GLCE: variants seen among roughly 807,000 people sequenced by gnomAD.
GLCE encodes the protein D-glucuronyl C5-epimerase.
A neutral mutation model predicts 47.9 loss-of-function variants in GLCE; 19 were observed. The ratio of observed to expected loss-of-function variants is 0.40; its 90% confidence interval spans 0.28 to 0.58. The LOEUF is 0.58. Ranked by LOEUF, GLCE falls within the 20% of genes least tolerant of loss-of-function variation. The probability of loss-of-function intolerance (pLI) is 0.48; values close to 1 mark genes in which losing one functional copy is unlikely to be tolerated. For synonymous variants in GLCE, 245 were observed against 263.4 expected, an observed-to-expected ratio of 0.93 and a Z score of 0.68; for missense variants, 556 against 743.3, an observed-to-expected ratio of 0.75 and a Z score of 2.93.
At chr15:69,161,799 T>TGGCA (rs1456807603) in intron 1 of GLCE, among the ~76,000 whole-genome samples, 2 of 152,056 alleles carry the variant, frequency 1.3e-5, no homozygotes, top group Non-Finnish European at 2.9e-5. Context: ...GGAGCTAGAG[T>TGGCA]GGCAGCACCT....
chr15:69,253,584 G>GAAATTTT (rs2052879471), intron 2 of GLCE, among the ~76,000 whole-genome samples: 1 of 152,014 alleles, frequency 6.6e-6, no homozygotes, highest in Non-Finnish European at 1.5e-5. Flanking sequence ...AAACTAATAA[G>GAAATTTT]AAAGAACTTT....
In GLCE at chr15:69,254,480, G is replaced by A. The variant is rs903716548; in HGVS notation, c.-13-1314G>A. Among the ~76,000 whole-genome samples, 5 of 152,294 alleles carry A rather than the reference G, an allele frequency of 3.3e-5. No individual in the cohort carries two copies. In the East Asian group the frequency reaches 7.7e-4, roughly 23 times the overall value. Reference sequence around the variant, plus strand: ...TTGAGGGTGGAGTAGTAGGGTAAGCGTAGAAGGAGAGAGACCAGTTTGAAT... The same window carrying A: ...TTGAGGGTGGAGTAGTAGGGTAAGCATAGAAGGAGAGAGACCAGTTTGAAT... On this transcript the variant is annotated intron_variant, in intron 2 of 4. Transcript: ENST00000261858.
Position 69,268,798 on chromosome 15 carries a change from G to C in GLCE, c.1408G>C (p.Ala470Pro). 1 of 1,614,130 alleles carries C rather than the reference G, an allele frequency of 6.2e-7. No homozygotes were observed. Among genetic ancestry groups the C allele is most frequent in the Non-Finnish European group, 8.5e-7 (1 of 1,179,980 alleles). ...AAAAGACCATATATTCCTCAATTCA[G>C]CTTTAAGGGCAACAGCCCCTTATAA... ...LTKDHIFLNS[A>P]LRATAPYKFL... is the part of the protein sequence containing the mutation. Residue 470 changes from alanine (A) to proline (P), a missense_variant, in exon 5 of 5, where the codon GCT (alanine) becomes CCT (proline). Coordinates refer to ENST00000261858, the MANE Select transcript of GLCE (RefSeq NM_015554.3).
chr15:69,231,257 CT>C lies in GLCE; in HGVS notation c.-14+20854del, dbSNP rs1334589168. 9.3e-5 allele frequency among the ~76,000 whole-genome samples: 14 copies of C among 151,032 alleles called. No homozygotes were observed. The South Asian group carries it at 2.3e-3, about 25-fold the overall frequency. ...TTTTATGAGCAGCCAGAGATTTTGCCTTTGCTACCTAGTGTTTTTTGTCCAG... is the reference window on the plus strand; with the variant it reads ...TTTTATGAGCAGCCAGAGATTTTGCCTTGCTACCTAGTGTTTTTTGTCCAG... On this transcript the variant is annotated intron_variant, in intron 2 of 4. Transcript: ENST00000261858.
At chr15:69,229,916 G>T (rs969158879) in intron 2 of GLCE, among the ~76,000 whole-genome samples, 2 of 151,726 alleles carry the variant, frequency 1.3e-5, no homozygotes, top group African/African-American at 2.4e-5. Context: ...CAGGTTAATA[G>T]TAAACAGCTG....
Position 69,256,377 on chromosome 15 carries a change from A to G in GLCE, c.571A>G (p.Ile191Val), listed in dbSNP as rs201157542. 7 of 1,609,436 alleles carry G rather than the reference A, an allele frequency of 4.3e-6. No homozygotes were observed. Among genetic ancestry groups the G allele is most frequent in the African/African-American group, 1.3e-5 (1 of 74,990 alleles). Residue 191 changes from isoleucine to valine, a missense_variant, in exon 3 of 5, where the codon ATA (isoleucine) becomes GTA (valine). Physicochemically the swap from Ile to Val is conservative, Grantham distance 29. Around this residue, in one of 3 missense-constraint regions of GLCE, gnomAD observed 237 missense variants for 310.9 expected, o/e 0.76. Coordinates refer to ENST00000261858, the MANE Select transcript of GLCE (RefSeq NM_015554.3). ...GGAAGTCCGAGACAGAGTCAAGTGC[A>G]TAAGTGGGGTTGAAGGTTGGTATCT... ...NVEVRDRVKC[I>V]SGVEGVPLST...
intron 2 of GLCE, among the ~76,000 whole-genome samples, chr15:69,248,584 A>G (rs1297754357): frequency 6.6e-6 from 1 of 152,156 alleles, no homozygotes; most frequent in Non-Finnish European, 1.5e-5. Flanking sequence ...AGAATATTTA[A>G]CAATGTTCAT....
chr15:69,209,504 GGT>G (rs2052199126), intron 1 of GLCE, among the ~76,000 whole-genome samples: 1 of 152,000 alleles, frequency 6.6e-6, no homozygotes, highest in Non-Finnish European at 1.5e-5. Flanking sequence ...CATATTACTT[GGT>G]TCTGTCCCAC....
intron 2 of GLCE, among the ~76,000 whole-genome samples, chr15:69,255,271 CA>C (rs2052905059): frequency 1.3e-5 from 2 of 152,094 alleles, no homozygotes; most frequent in African/African-American, 4.8e-5. Flanking sequence ...TTGAGCATCC[CA>C]AGTTCAGAAA....
chr15:69,232,626 G>C (rs544422743), intron 2 of GLCE, among the ~76,000 whole-genome samples: 1 of 152,088 alleles, frequency 6.6e-6, no homozygotes, highest in Non-Finnish European at 1.5e-5. Context: ...TTGTTACAGA[G>C]CTTGGAACCA....
At chr15:69,164,037 T>A (rs1191920294) in intron 1 of GLCE, among the ~76,000 whole-genome samples, 3 of 152,160 alleles carry the variant, frequency 2.0e-5, no homozygotes, top group African/African-American at 7.2e-5. Flanking sequence ...TTTTAGGACT[T>A]TCTTTTATCA....
At chr15:69,229,775 C>G (rs529263308) in intron 2 of GLCE, among the ~76,000 whole-genome samples, 1 of 151,492 alleles carries the variant, frequency 6.6e-6, no homozygotes, top group Non-Finnish European at 1.5e-5. Context: ...GATATATACC[C>G]AATCATAGCA....
chr15:69,243,150 G>T (rs1213676988), intron 2 of GLCE, among the ~76,000 whole-genome samples: 1 of 151,874 alleles, frequency 6.6e-6, no homozygotes, highest in Non-Finnish European at 1.5e-5. Flanking sequence ...GTCCTGTTAG[G>T]GGTAAGACTA....
At chr15:69,266,710 G>C (rs2053091994) in intron 4 of GLCE, 2 of 921,310 alleles carry the variant, frequency 2.2e-6, no homozygotes, top group Non-Finnish European at 2.6e-6. Context: ...CTGCATCTAA[G>C]AGAACCTTTC....
chr15:69,266,742 T>A (rs1167400654), intron 4 of GLCE: 1 of 943,852 alleles, frequency 1.1e-6, no homozygotes, highest in Admixed American at 6.2e-5. Flanking sequence ...CTCATAAGAA[T>A]ACCATCTCCA....
rs143042615 is a variant in GLCE at position 69,171,685 on chromosome 15, C to G, written c.-105+10928C>G. Among the ~76,000 whole-genome samples the G allele has an allele frequency of 1.3e-3, 205 of 152,224 alleles. 1 individual carries two copies. Among genetic ancestry groups the G allele is most frequent in the African/African-American group, 4.7e-3 (197 of 41,534 alleles). The stretch of plus-strand genomic sequence containing the variant: ...TGCTGGGATTACAGGCGTGAGCCAC[C>G]GCGCCCTGCTCTGGGATAGATTCTT... On this transcript the variant is annotated intron_variant, in intron 1 of 4. Coordinates refer to ENST00000261858, the MANE Select transcript of GLCE (RefSeq NM_015554.3).
At chr15:69,253,627 T>C (rs2052880465) in intron 2 of GLCE, among the ~76,000 whole-genome samples, 1 of 152,158 alleles carries the variant, frequency 6.6e-6, no homozygotes, top group Admixed American at 6.5e-5. Context: ...TCATCTAATA[T>C]ATTCAGAGAT....
intron 1 of GLCE, among the ~76,000 whole-genome samples, chr15:69,193,682 T>G (rs2051946513): frequency 6.6e-6 from 1 of 151,894 alleles, no homozygotes; most frequent in South Asian, 2.1e-4. Context: ...GGTACAAAAT[T>G]TAAGGAGACA....
chr15:69,192,610 C>T (rs2051929932), intron 1 of GLCE, among the ~76,000 whole-genome samples: 1 of 151,800 alleles, frequency 6.6e-6, no homozygotes, highest in Admixed American at 6.6e-5. Context: ...ATCGAATGCT[C>T]ATTATTGTGA....
Sources: gnomAD v4.1 joint callset for allele counts (sites outside exome capture counted in the v4.1 genomes callset) on GRCh38, gnomAD v4.1.1 for gene constraint, gnomAD v4.1.1 regional missense constraint, MANE v1.5 for transcripts, NCBI Gene and HGNC (gene_info 2026-07-23, HGNC 2026-07-21) for gene names.